The following CSMD3 variants were observed in gnomAD, a reference collection of about 807,000 sequenced individuals.
CSMD3 encodes the protein CUB and Sushi multiple domains 3, also known as CUB and sushi domain-containing protein 3.
In CSMD3, 177 loss-of-function variants were observed where a neutral mutation model predicts 435.2. That is an observed-to-expected ratio of 0.41 (90% CI 0.36 to 0.46). CSMD3 has a LOEUF of 0.46. Among genes scored for constraint, CSMD3 ranks in the 20% least tolerant of loss-of-function variants. The pLI is 0.34. For synonymous variants in CSMD3, 1,656 were observed against 1,520.5 expected, an observed-to-expected ratio of 1.09 and a Z score of -2.07; for missense variants, 4,265 against 4,504.6, an observed-to-expected ratio of 0.95 and a Z score of 1.52.
chr8:113,251,757 G>A (rs989680357), intron 3 of CSMD3, among the ~76,000 whole-genome samples: 1 of 151,934 alleles, frequency 6.6e-6, no homozygotes, highest in East Asian at 1.9e-4. Flanking sequence ...AGACCTGCCA[G>A]GAAAATTAAA....
At chr8:112,767,862 C>A (rs2078017979) in intron 13 of CSMD3, among the ~76,000 whole-genome samples, 1 of 151,666 alleles carries the variant, frequency 6.6e-6, no homozygotes, top group Non-Finnish European at 1.5e-5. Flanking sequence ...AATGTTAATT[C>A]CTTGAGTTCA....
At chr8:113,030,170 G>C (rs2087033430) in intron 5 of CSMD3, among the ~76,000 whole-genome samples, 1 of 151,264 alleles carries the variant, frequency 6.6e-6, no homozygotes, top group Non-Finnish European at 1.5e-5. Context: ...TCATGGATGG[G>C]TGGAATCAAT....
chr8:113,094,452 C>T (rs533780162), intron 5 of CSMD3, among the ~76,000 whole-genome samples: 3 of 152,200 alleles, frequency 2.0e-5, no homozygotes, highest in African/African-American at 7.2e-5. Context: ...AATGATTCTC[C>T]CCACTCTTTA....
At position 112,737,451 on chromosome 8, in the gene CSMD3, G is replaced by A. The variant is rs1280640891; in HGVS notation, c.1973-47401C>T. 7.9e-5 allele frequency among the ~76,000 whole-genome samples: 12 copies of A among 152,004 alleles called. No homozygotes were observed. The East Asian group carries it at 2.3e-3, about 29-fold the overall frequency. ...GGTGTTTGACATTTTAAAGTGATTA[G>A]TACCTAAAGGCAGATTTTCCTGGAA... On this transcript the variant is annotated intron_variant, in intron 13 of 70. Coordinates refer to ENST00000297405, the MANE Select transcript of CSMD3 (RefSeq NM_198123.2).
chr8:112,601,696 AG>A (rs1438881624), intron 22 of CSMD3, among the ~76,000 whole-genome samples: 1 of 152,182 alleles, frequency 6.6e-6, no homozygotes, highest in Non-Finnish European at 1.5e-5. Flanking sequence ...TTCAGGGGAA[AG>A]AAGGCAATTC....
intron 37 of CSMD3, among the ~76,000 whole-genome samples, chr8:112,381,360 A>G (rs1374209337): frequency 2.0e-5 from 3 of 152,226 alleles, no homozygotes; most frequent in African/African-American, 4.8e-5. Context: ...GCTTGAAAAT[A>G]TAAAGTATCT....
intron 13 of CSMD3, among the ~76,000 whole-genome samples, chr8:112,692,581 G>A (rs1181421091): frequency 6.6e-6 from 1 of 152,146 alleles, no homozygotes; most frequent in Admixed American, 6.5e-5. Context: ...GCCTGTTAAA[G>A]TTCCAAATGT....
chr8:113,194,641 T>C (rs1048726198), intron 3 of CSMD3, among the ~76,000 whole-genome samples: 4 of 151,216 alleles, frequency 2.6e-5, no homozygotes, highest in South Asian at 2.1e-4. Flanking sequence ...CACGTGAGTG[T>C]GTAGGCGAAG....
chr8:112,600,139 A>T (rs1563753603), intron 22 of CSMD3, among the ~76,000 whole-genome samples: 1 of 152,140 alleles, frequency 6.6e-6, no homozygotes, highest in Non-Finnish European at 1.5e-5. Context: ...ACTTGAAAAA[A>T]ATCTATGTGA....
At chr8:112,557,028 C>G (rs1358442262) in intron 24 of CSMD3, 74 bp from the exon 25 acceptor site, 2 of 928,862 alleles carry the variant, frequency 2.2e-6, no homozygotes, top group Admixed American at 3.8e-5. Flanking sequence ...TCATTCCTTT[C>G]CTTTACTATT....
chr8:113,190,280 A>C (rs1363374750), intron 3 of CSMD3, among the ~76,000 whole-genome samples: 2 of 151,850 alleles, frequency 1.3e-5, no homozygotes, highest in Non-Finnish European at 2.9e-5. Context: ...GTGGAGAGGA[A>C]ACCCAGATAA....
intron 7 of CSMD3, among the ~76,000 whole-genome samples, chr8:112,955,721 A>G (rs188546936): frequency 5.3e-5 from 8 of 152,024 alleles, no homozygotes; most frequent in Non-Finnish European, 8.9e-5. Flanking sequence ...TATACAGGAA[A>G]TAACTTGCTC....
At chr8:112,601,232 A>G (rs1397420633) in intron 22 of CSMD3, among the ~76,000 whole-genome samples, 1 of 152,118 alleles carries the variant, frequency 6.6e-6, no homozygotes, top group Non-Finnish European at 1.5e-5. Context: ...AGCAATAGCA[A>G]TAGCTAGTAG....
intron 16 of CSMD3, among the ~76,000 whole-genome samples, chr8:112,674,834 A>C (rs2075737084): frequency 1.3e-5 from 2 of 152,168 alleles, no homozygotes; most frequent in South Asian, 4.1e-4. Flanking sequence ...TTTGGCTTGA[A>C]GATAAGGAGA....
At chr8:113,355,641 C>T (rs1231717282) in intron 1 of CSMD3, among the ~76,000 whole-genome samples, 1 of 149,514 alleles carries the variant, frequency 6.7e-6, no homozygotes, top group African/African-American at 2.5e-5. Flanking sequence ...TTTAGGGGGA[C>T]ACAAACATTC....
chr8:112,478,775 C>T (rs565493460), intron 31 of CSMD3, among the ~76,000 whole-genome samples: 3 of 152,290 alleles, frequency 2.0e-5, no homozygotes, highest in South Asian at 2.1e-4. Context: ...ATGAAACCCG[C>T]GACCCAGAGT....
At chr8:112,369,720 G>A (rs1449729404) in intron 38 of CSMD3, among the ~76,000 whole-genome samples, 1 of 151,776 alleles carries the variant, frequency 6.6e-6, no homozygotes, top group African/African-American at 2.4e-5. Context: ...TGGGAGTTGG[G>A]GTGCAAGGGC....
intron 30 of CSMD3, among the ~76,000 whole-genome samples, chr8:112,494,494 C>CTTT (rs377610586): frequency 5.0e-5 from 2 of 40,174 alleles, no homozygotes; most frequent in Admixed American, 2.2e-4. Context: ...TTCTTTCTCT[C>CTTT]CTTTCTTTCT....
At chr8:113,402,277 T>C (rs2094513852) in intron 1 of CSMD3, among the ~76,000 whole-genome samples, 1 of 151,448 alleles carries the variant, frequency 6.6e-6, no homozygotes, top group Non-Finnish European at 1.5e-5. Context: ...CAAAATTTAC[T>C]GCCACAGTAA....
Sources: allele counts gnomAD v4.1 joint callset (sites outside exome capture counted in the v4.1 genomes callset), GRCh38; gene constraint gnomAD v4.1.1; transcripts MANE v1.5; gene names NCBI Gene and HGNC (gene_info 2026-07-23, HGNC 2026-07-21).